The following SDR9C7 variants were observed in gnomAD, a reference collection of about 807,000 sequenced individuals.
SDR9C7 encodes the protein short chain dehydrogenase/reductase family 9C member 7.
A neutral mutation model predicts 23.6 loss-of-function variants in SDR9C7; 11 were observed. The ratio of observed to expected loss-of-function variants is 0.47; its 90% CI spans 0.29 to 0.77. The LOEUF (loss-of-function observed/expected upper bound fraction) is 0.77, where lower values mean the gene tolerates loss of function less well. SDR9C7 is among the 30% of genes least tolerant of loss of function. The pLI, the probability that SDR9C7 is intolerant of heterozygous loss-of-function variation, is 0.09. For missense variants in SDR9C7, 387 were observed against 407.1 expected (o/e 0.95, Z 0.42); for synonymous variants, 167 against 157.3 (o/e 1.06, Z -0.46).
At chr12:56,928,328 A>G (rs987087290) in intron 3 of SDR9C7, among the ~76,000 whole-genome samples, 1 of 152,122 alleles carries the variant, frequency 6.6e-6, no homozygotes, top group Non-Finnish European at 1.5e-5. Context: ...CTTCCCAGCA[A>G]CACCTAACTC....
At chr12:56,933,200 G>A (rs1488761146) in intron 1 of SDR9C7, among the ~76,000 whole-genome samples, 1 of 152,118 alleles carries the variant, frequency 6.6e-6, no homozygotes, top group Admixed American at 6.5e-5. Context: ...TTTCTCCCCT[G>A]CCTGACATAG....
intron 1 of SDR9C7, among the ~76,000 whole-genome samples, chr12:56,933,073 C>A (rs937640374): frequency 6.6e-6 from 1 of 152,230 alleles, no homozygotes; most frequent in African/African-American, 2.4e-5. Flanking sequence ...CCCACACAGT[C>A]CTGGGCCAGC....
intron 3 of SDR9C7, among the ~76,000 whole-genome samples, chr12:56,928,079 G>T (rs2136367841): frequency 1.3e-5 from 2 of 152,232 alleles, no homozygotes; most frequent in East Asian, 3.9e-4. Flanking sequence ...CTAAATCAAT[G>T]AATGAAGACA....
At chr12:56,926,180 C>A (rs1300046717) in intron 3 of SDR9C7, among the ~76,000 whole-genome samples, 3 of 152,178 alleles carry the variant, frequency 2.0e-5, no homozygotes, top group African/African-American at 7.2e-5. Context: ...CTAGGGGTTA[C>A]AAGCCAGGGG....
chr12:56,930,545 C>T, intron 1 of SDR9C7, 61 bp from the exon 2 acceptor site: 1 of 1,576,142 alleles, frequency 6.3e-7, no homozygotes. Flanking sequence ...CCAAGTTCTG[C>T]TCCCCACCGG....
At chr12:56,932,208 C>T (rs749953006) in intron 1 of SDR9C7, among the ~76,000 whole-genome samples, 12 of 152,040 alleles carry the variant, frequency 7.9e-5, no homozygotes, top group Non-Finnish European at 1.2e-4. Context: ...GAAGCTAACA[C>T]GGGAAATTAT....
At chr12:56,926,514 C>CTCA (rs1955735217) in intron 3 of SDR9C7, among the ~76,000 whole-genome samples, 1 of 152,208 alleles carries the variant, frequency 6.6e-6, no homozygotes, top group African/African-American at 2.4e-5. Flanking sequence ...CTCTCCCCTC[C>CTCA]TCAATCATCA....
At position 56,924,325 on chromosome 12, in the gene SDR9C7, A is replaced by G. The variant is rs1164721451; in HGVS notation, c.725-275T>C. On this transcript the variant is annotated intron_variant, in intron 3 of 3. Transcript: ENST00000293502. ...ATGCCTGTAATCCCAGCTACTCGGG[A>G]GGCTGAGGTATGGGAACCACTTGAA... Among the ~76,000 whole-genome samples the G allele has an allele frequency of 4.6e-5, 7 of 152,140 alleles. 1 individual carries two copies. The highest frequency in any genetic ancestry group is 1.0e-4 in the Non-Finnish European group (7 of 68,018).
rs1955715863 is a variant in SDR9C7, at chr12:56,923,998, A to G, written c.777T>C (p.Asp259=). 1.9e-6 allele frequency: 3 copies of G among 1,614,126 alleles called. No individual in the cohort carries two copies. The highest frequency in any genetic ancestry group is 1.1e-5 in the South Asian group (1 of 91,084). The change falls in exon 4 of 4, where the codon GAT becomes GAC. Residue 259 remains aspartate, a synonymous_variant. Coordinates refer to ENST00000293502, the MANE Select transcript of SDR9C7 (RefSeq NM_148897.3). ...IMQVAEPRVR[D]VINSMEHAIV... ...TAGCATGCTCCATGCTGTTGATGAC[A>G]TCTCTGACTCTGGGCTCTGCCACCT...
intron 3 of SDR9C7, among the ~76,000 whole-genome samples, chr12:56,925,683 A>G (rs1384197929): frequency 6.6e-6 from 1 of 152,228 alleles, no homozygotes; most frequent in African/African-American, 2.4e-5. Flanking sequence ...ATAAAGCAGT[A>G]ATGTCTTAGG....
Position 56,923,814 on chromosome 12 carries a change from C to G in SDR9C7, c.*19G>C. 6.4e-7 allele frequency: 1 copy of G among 1,554,620 alleles called. No individual in the cohort carries two copies. The highest frequency in any genetic ancestry group is 8.8e-7 in the Non-Finnish European group (1 of 1,139,526). On this transcript the variant is annotated 3_prime_UTR_variant, in exon 4 of 4. Coordinates refer to ENST00000293502, the MANE Select transcript of SDR9C7 (RefSeq NM_148897.3). The stretch of plus-strand genomic sequence containing the variant: ...CTCCCCCACTTCTAGGCTCCACTGA[C>G]CCATTGATCCTCCCCAGTTTAGACA...
intron 1 of SDR9C7, among the ~76,000 whole-genome samples, chr12:56,931,894 C>T (rs1955770855): frequency 6.6e-6 from 1 of 152,134 alleles, no homozygotes; most frequent in South Asian, 2.1e-4. Context: ...TAGTCCACCC[C>T]TCCCTCTAGG....
chr12:56,929,940 C>A (rs1346235692), intron 2 of SDR9C7, among the ~76,000 whole-genome samples: 6 of 152,198 alleles, frequency 3.9e-5, no homozygotes. Flanking sequence ...CCAGGCCTGT[C>A]TGTCTGTTTG....
In SDR9C7 at chr12:56,933,930, C is replaced by G. The variant is rs775393209; in HGVS notation, c.301+31G>C. 6 of 1,579,726 alleles carry G rather than the reference C, an allele frequency of 3.8e-6. No homozygotes were observed. The Admixed American group carries it at 6.9e-5, about 18-fold the overall frequency. On this transcript the variant is annotated intron_variant, in intron 1 of 3. Transcript: ENST00000293502. Reference sequence around the variant, plus strand: ...GAGAGGAAGAGGAAGAAGGAGAAACCAAGAAAGCCAAAGAATGTAATTCGC... The same window carrying G: ...GAGAGGAAGAGGAAGAAGGAGAAACGAAGAAAGCCAAAGAATGTAATTCGC...
intron 1 of SDR9C7, among the ~76,000 whole-genome samples, chr12:56,933,264 C>G (rs1004896617): frequency 2.0e-5 from 3 of 152,238 alleles, no homozygotes; most frequent in Non-Finnish European, 4.4e-5. Flanking sequence ...TCTCATTCCC[C>G]CTCCCCCATC....
chr12:56,930,288 A>G lies in SDR9C7; in HGVS notation c.498T>C (p.Ala166=). The G allele has an allele frequency of 1.2e-6, 2 of 1,614,136 alleles. No homozygotes were observed. The highest frequency in any genetic ancestry group is 2.7e-5 in the African/African-American group (2 of 75,018). The change falls in exon 2 of 4, where the codon GCT becomes GCC. Residue 166 remains alanine, a synonymous_variant. Transcript: ENST00000293502. The part of the protein sequence containing the change: ...VNMSSSGGRV[A]VIGGGYCVSK... ...AGACGCAGTAGCCACCACCAATGACAGCCACACGACCACCAGAGCTGGACA... is the reference window on the plus strand; with the variant it reads ...AGACGCAGTAGCCACCACCAATGACGGCCACACGACCACCAGAGCTGGACA...
intron 3 of SDR9C7, among the ~76,000 whole-genome samples, chr12:56,925,708 C>A (rs1429501741): frequency 2.0e-5 from 3 of 152,246 alleles, no homozygotes; most frequent in Admixed American, 2.0e-4. Flanking sequence ...CACACCCTGA[C>A]CTCTGACCGT....
Position 56,929,549 on chromosome 12 carries a change from C to T in SDR9C7, c.565G>A (p.Glu189Lys), listed in dbSNP as rs772298217. 1 of 1,597,844 alleles carries T rather than the reference C, an allele frequency of 6.3e-7. No homozygotes were observed. Among genetic ancestry groups the T allele is most frequent in the African/African-American group, 1.3e-5 (1 of 74,648 alleles). The change falls in exon 3 of 4, where the codon GAG becomes AAG. Residue 189 changes from glutamate to lysine, a missense_variant. Coordinates refer to ENST00000293502, the MANE Select transcript of SDR9C7 (RefSeq NM_148897.3). ...VEAFSDSIRR[E>K]LYYFGVKVCI... ...ACTTTCACCCCAAAGTAGTAGAGCT[C>T]ACGCCTGGGAAAGAAGAGTTGCAGT...
intron 3 of SDR9C7, among the ~76,000 whole-genome samples, chr12:56,927,005 G>A (rs1420907329): frequency 2.0e-5 from 3 of 152,188 alleles, no homozygotes; most frequent in African/African-American, 7.2e-5. Flanking sequence ...CCTGGAGAGT[G>A]TCTCATCTCT....
Sources: allele counts gnomAD v4.1 joint callset (sites outside exome capture counted in the v4.1 genomes callset), GRCh38; gene constraint gnomAD v4.1.1; transcripts MANE v1.5; gene names NCBI Gene and HGNC (gene_info 2026-07-23, HGNC 2026-07-21).